Variants in PRDM1 observed in about 807,000 individuals in gnomAD.
The protein encoded by PRDM1 is PR domain zinc finger protein 1.
A neutral mutation model predicts 62.8 loss-of-function variants in PRDM1; 13 were observed. That is an observed-to-expected ratio of 0.21 (90% CI 0.13 to 0.33). The LOEUF (loss-of-function observed/expected upper bound fraction) is 0.33. PRDM1 is among the 10% of genes least tolerant of loss of function. The probability of loss-of-function intolerance (pLI) is 1.00; values close to 1 mark genes in which losing one functional copy is unlikely to be tolerated. For synonymous variants in PRDM1, 396 were observed against 417.6 expected (o/e 0.95, Z 0.63); for missense variants, 895 against 1,058.8 (o/e 0.85, Z 2.15).
At chr6:106,070,213 A>G (rs1156760023) in intron 1 of PRDM1, among the ~76,000 whole-genome samples, 1 of 152,254 alleles carries the variant, frequency 6.6e-6, no homozygotes, top group East Asian at 1.9e-4. Flanking sequence ...TTAGAGGAAT[A>G]GAATTTGGAA....
At chr6:106,069,295 C>T (rs1368910403) in intron 1 of PRDM1, among the ~76,000 whole-genome samples, 1 of 151,914 alleles carries the variant, frequency 6.6e-6, no homozygotes, top group African/African-American at 2.4e-5. Flanking sequence ...CTTGATAAAG[C>T]CATAAACGAA....
chr6:106,095,673 T>C lies in PRDM1; in HGVS notation c.350T>C (p.Ile117Thr), dbSNP rs553128700. The C allele has an allele frequency of 1.2e-6, 2 of 1,611,944 alleles. No homozygotes were observed. The highest frequency in any genetic ancestry group is 3.3e-5 in the Admixed American group (2 of 59,858). ...AAGGGCACACGTTTTGGACCCCTAA[T>C]AGGTGAAATCTACACCAATGACACA... Reference protein sequence around the residue: ...IPKGTRFGPLIGEIYTNDTVP... With the variant: ...IPKGTRFGPLTGEIYTNDTVP... The change falls in exon 3 of 7, where the codon ATA (isoleucine) becomes ACA (threonine). Residue 117 changes from isoleucine to threonine, a missense_variant. Transcript: ENST00000369096.
chr6:105,995,673 G>A (rs1308330850), intron 1 of PRDM1, among the ~76,000 whole-genome samples: 1 of 151,754 alleles, frequency 6.6e-6, no homozygotes, highest in Non-Finnish European at 1.5e-5. Context: ...ATTTATGGAG[G>A]AAAATTATTT....
rs1774599925 is a variant in PRDM1, at chr6:106,108,925, T to C, written c.*1439T>C. On this transcript the variant is annotated 3_prime_UTR_variant, in exon 7 of 7. Transcript: ENST00000369096. ...CAGCAAGATAGACTTTGTGTTATTC[T>C]ATCTTTTATTCTGCTAAGCCCAAAG... 1 of 228,590 alleles carries C rather than the reference T, an allele frequency of 4.4e-6. No homozygotes were observed. Among genetic ancestry groups the C allele is most frequent in the Admixed American group, 5.7e-5 (1 of 17,572 alleles). 14.2% of individuals were successfully genotyped at this position (228,590 alleles called of 1,614,324 possible).
At chr6:106,046,105 A>G (rs2114579185), upstream of PRDM1, 1 of 152,390 alleles carries the variant, frequency 6.6e-6, no homozygotes. Flanking sequence ...AAAAAAAACA[A>G]AACCAAAACA....
rs1213868474 is a variant in PRDM1, at chr6:106,095,741, A to T, written c.411+7A>T. 1 of 1,613,526 alleles carries T rather than the reference A, an allele frequency of 6.2e-7. No homozygotes were observed. Among genetic ancestry groups the T allele is most frequent in the South Asian group, 1.1e-5 (1 of 91,070 alleles). ...CAGGAAATATTTTTGGAGGGTAAGT[A>T]AGGGAAATTTCTTCAGACCCATTAA... On this transcript the variant is annotated splice_region_variant and intron_variant, in intron 3 of 6. Transcript: ENST00000369096.
intron 1 of PRDM1, among the ~76,000 whole-genome samples, chr6:106,016,176 A>G (rs1256467907): frequency 6.6e-6 from 1 of 152,204 alleles, no homozygotes; most frequent in Non-Finnish European, 1.5e-5. Context: ...ATGTGGTTGA[A>G]TAATATCCCA....
At position 106,108,870 on chromosome 6, in the gene PRDM1, C is replaced by G. The variant is rs571379475; in HGVS notation, c.*1384C>G. The G allele has an allele frequency of 4.3e-6, 1 of 232,206 alleles. No homozygotes were observed. 14.4% of individuals were successfully genotyped at this position (232,206 alleles called of 1,614,324 possible). On this transcript the variant is annotated 3_prime_UTR_variant, in exon 7 of 7. Coordinates refer to ENST00000369096, the MANE Select transcript of PRDM1 (RefSeq NM_001198.4). ...TGATGTCTTATCTAATGATTTGCTT[C>G]TCTAGAGGAGAAACCGAGTAAATGT...
At chr6:106,043,637 G>A (rs1773033898), upstream of PRDM1, among the ~76,000 whole-genome samples, 1 of 152,136 alleles carries the variant, frequency 6.6e-6, no homozygotes, top group South Asian at 2.1e-4. Context: ...CCGGGTTCAA[G>A]CGATTCTCCT....
intron 1 of PRDM1, among the ~76,000 whole-genome samples, chr6:106,040,449 T>C (rs917303888): frequency 5.3e-5 from 8 of 152,212 alleles, no homozygotes; most frequent in African/African-American, 1.9e-4. Flanking sequence ...GTAAAAGGAT[T>C]GAAGAGGCTC....
At chr6:106,103,214 G>A (rs540835437) in intron 4 of PRDM1, among the ~76,000 whole-genome samples, 7 of 152,142 alleles carry the variant, frequency 4.6e-5, no homozygotes, top group Admixed American at 2.6e-4. Flanking sequence ...ACTGATAACC[G>A]CTGGCAGGAG....
intron 2 of PRDM1, 56 bp from the exon 3 acceptor site, chr6:106,095,559 G>T: frequency 6.3e-7 from 1 of 1,579,772 alleles, no homozygotes; most frequent in Non-Finnish European, 8.6e-7. Context: ...TAATTGAAAA[G>T]ATTGGTTAAC....
intron 1 of PRDM1, among the ~76,000 whole-genome samples, chr6:106,018,930 G>A (rs1205552600): frequency 5.3e-5 from 8 of 151,826 alleles, no homozygotes; most frequent in African/African-American, 1.9e-4. Flanking sequence ...CACCTCCTTG[G>A]GGACAGAGTA....
rs892806043 is a variant in PRDM1 at position 106,109,365 on chromosome 6, G to A, written c.*1879G>A. 5 of 232,582 alleles carry A rather than the reference G, an allele frequency of 2.1e-5. No individual in the cohort carries two copies. Among genetic ancestry groups the A allele is most frequent in the South Asian group, 3.6e-4 (2 of 5,524 alleles). The allele number at this position is 232,582 out of a possible 1,614,324, so 14.4% of individuals were successfully genotyped here. ...ACAGAAATAAAAAACTGACTTTACC[G>A]CTGCAATTTTTCTGTTTTCCTCCTT... On this transcript the variant is annotated 3_prime_UTR_variant, in exon 7 of 7. Coordinates refer to ENST00000369096, the MANE Select transcript of PRDM1 (RefSeq NM_001198.4).
chr6:106,012,230 C>T (rs185753618), intron 1 of PRDM1, among the ~76,000 whole-genome samples: 15 of 140,970 alleles, frequency 1.1e-4, no homozygotes, highest in Non-Finnish European at 9.2e-5. Context: ...TTCACACACA[C>T]CATTCACACA....
chr6:106,091,681 G>A (rs1361231891), intron 2 of PRDM1, among the ~76,000 whole-genome samples: 1 of 152,220 alleles, frequency 6.6e-6, no homozygotes, highest in Non-Finnish European at 1.5e-5. Context: ...CTGAGAGGCT[G>A]AGGTAGGAGA....
intron 1 of PRDM1, among the ~76,000 whole-genome samples, chr6:106,062,230 T>A (rs943093000): frequency 2.0e-5 from 3 of 152,246 alleles, no homozygotes; most frequent in African/African-American, 7.2e-5. Context: ...ATTTTTACTA[T>A]ACGGGAACAG....
chr6:106,030,799 T>C (rs1772831109), intron 1 of PRDM1, among the ~76,000 whole-genome samples: 1 of 152,186 alleles, frequency 6.6e-6, no homozygotes, highest in Non-Finnish European at 1.5e-5. Flanking sequence ...CATTCCCCCA[T>C]TGAATTGCTC....
rs76070991 is a variant in PRDM1 at position 105,994,394 on chromosome 6, C to T, written c.-67+755C>T. ...ATTAAAAAAAAAAAATACACCACTG[C>T]CACCCTACAGCGACGCTTCCGCTGG... On this transcript the variant is annotated intron_variant, in intron 1 of 6. Transcript: ENST00000652320. The surrounding 1 kb of genome is among the most constrained non-coding windows in gnomAD (Gnocchi z 4.1). Among the ~76,000 whole-genome samples, 3,508 of 152,134 alleles carry T rather than the reference C, an allele frequency of 0.023. 147 individuals carry two copies. Among genetic ancestry groups the T allele is most frequent in the African/African-American group, 0.08 (3,311 of 41,486 alleles).
Sources: gnomAD v4.1 joint callset for allele counts (sites outside exome capture counted in the v4.1 genomes callset) on GRCh38, gnomAD v4.1.1 for gene constraint, Gnocchi (gnomAD v3.1) non-coding constraint, MANE v1.5 for transcripts, NCBI Gene and HGNC (gene_info 2026-07-23, HGNC 2026-07-21) for gene names.